Variants in FMNL2 observed in about 807,000 individuals in gnomAD.
The protein encoded by FMNL2 is formin-like protein 2.
Under a neutral mutation model 130.2 loss-of-function variants are expected in FMNL2, and 51 were observed. The observed-to-expected ratio is 0.39, with a 90% confidence interval of 0.31 to 0.49. FMNL2 has a LOEUF of 0.49. Ranked by LOEUF, FMNL2 falls within the 20% of genes least tolerant of loss-of-function variation. The probability of loss-of-function intolerance (pLI) is 0.85; values close to 1 mark genes in which losing one functional copy is unlikely to be tolerated. For synonymous variants in FMNL2, 465 were observed against 467.1 expected (o/e 1.00, Z 0.06); for missense variants, 977 against 1,316.2 (o/e 0.74, Z 3.99).
At chr2:152,446,534 A>C (rs539151847) in intron 1 of FMNL2, among the ~76,000 whole-genome samples, 1 of 152,352 alleles carries the variant, frequency 6.6e-6, no homozygotes, top group Admixed American at 6.5e-5. Context: ...TTAAAAAAAA[A>C]GCATGCTCTT....
chr2:152,641,894 C>T (rs921025056), intron 25 of FMNL2, among the ~76,000 whole-genome samples: 2 of 152,090 alleles, frequency 1.3e-5, no homozygotes, highest in Non-Finnish European at 2.9e-5. Flanking sequence ...TTCACATTTC[C>T]CCAACTGTCC....
intron 1 of FMNL2, among the ~76,000 whole-genome samples, chr2:152,506,636 G>T (rs1209093604): frequency 1.3e-5 from 2 of 152,126 alleles, no homozygotes; most frequent in Admixed American, 1.3e-4. Context: ...AGGTGTGATG[G>T]GGGTGGAGGT....
Position 152,469,125 on chromosome 2 carries a change from G to A in FMNL2, c.118-52818G>A, listed in dbSNP as rs1001144806. Among the ~76,000 whole-genome samples, 7 of 152,144 alleles carry A rather than the reference G, an allele frequency of 4.6e-5. No homozygotes were observed. In the South Asian group the frequency reaches 1.0e-3, roughly 23 times the overall value. Reference sequence around the variant, plus strand: ...TGGAATACACTGACGCTGTTGATTCGTTTTTCTTCCTTTTGGGTGGATTTT... The same window carrying A: ...TGGAATACACTGACGCTGTTGATTCATTTTTCTTCCTTTTGGGTGGATTTT... On this transcript the variant is annotated intron_variant, in intron 1 of 25. Coordinates refer to ENST00000288670, the MANE Select transcript of FMNL2 (RefSeq NM_052905.4).
At chr2:152,572,772 G>A (rs968145563) in intron 6 of FMNL2, among the ~76,000 whole-genome samples, 22 of 151,284 alleles carry the variant, frequency 1.5e-4, no homozygotes, top group African/African-American at 3.4e-4. Context: ...AACATCATGC[G>A]TTGGAGCTGA....
chr2:152,475,137 T>TTC (rs1337284002), intron 1 of FMNL2, among the ~76,000 whole-genome samples: 1 of 152,230 alleles, frequency 6.6e-6, no homozygotes, highest in Admixed American at 6.5e-5. Context: ...AAAACCATTA[T>TTC]TGGAAACTGG....
At chr2:152,575,743 C>G (rs1696440039) in intron 7 of FMNL2, among the ~76,000 whole-genome samples, 1 of 152,158 alleles carries the variant, frequency 6.6e-6, no homozygotes, top group African/African-American at 2.4e-5. Flanking sequence ...TGAAACAACT[C>G]TAGAACACCA....
At chr2:152,620,470 C>T (rs549620170) in intron 15 of FMNL2, among the ~76,000 whole-genome samples, 3 of 152,240 alleles carry the variant, frequency 2.0e-5, no homozygotes, top group African/African-American at 4.8e-5. Context: ...CGCTACGAGC[C>T]GTTTTCTCAG....
At chr2:152,616,835 G>A (rs1255585390) in intron 12 of FMNL2, among the ~76,000 whole-genome samples, 1 of 152,204 alleles carries the variant, frequency 6.6e-6, no homozygotes, top group East Asian at 1.9e-4. Context: ...GAAATGGAGG[G>A]AGGCACACTG....
At chr2:152,620,914 A>T in intron 15 of FMNL2, 1 of 984,758 alleles carries the variant, frequency 1.0e-6, no homozygotes, top group Non-Finnish European at 1.2e-6. Context: ...TAAATCGGTG[A>T]CTTATTTCTA....
At chr2:152,336,796 G>A (rs1681491397) in intron 1 of FMNL2, among the ~76,000 whole-genome samples, 1 of 152,196 alleles carries the variant, frequency 6.6e-6, no homozygotes. Context: ...TCTTTTCCTA[G>A]TTGGTTACCT....
In FMNL2 at chr2:152,560,876, G is replaced by C. The variant is rs1375549914; in HGVS notation, c.444-7G>C. The C allele has an allele frequency of 6.2e-7, 1 of 1,602,512 alleles. No homozygotes were observed. Among genetic ancestry groups the C allele is most frequent in the Admixed American group, 1.7e-5 (1 of 58,778 alleles). ...CAGTCTTCAATGGCATTTCTCTTTT[G>C]TTTTAGTTTTGACTTTGAAAGTGTG... On this transcript the variant is annotated splice_polypyrimidine_tract_variant and splice_region_variant and intron_variant, in intron 5 of 25. Transcript: ENST00000288670.
At position 152,547,036 on chromosome 2, in the gene FMNL2, C is replaced by T. The variant is rs777694057; in HGVS notation, c.283-1985C>T. On this transcript the variant is annotated intron_variant, in intron 3 of 25. Transcript: ENST00000288670. ...TTTCGGCTTGCTGCAACCGCTGCCTCCCAGGTGCAAACAGTTCTCGTGCCT... is the reference window on the plus strand; with the variant it reads ...TTTCGGCTTGCTGCAACCGCTGCCTTCCAGGTGCAAACAGTTCTCGTGCCT... Among the ~76,000 whole-genome samples the T allele has an allele frequency of 5.5e-4, 84 of 151,582 alleles. 1 individual carries two copies. The highest frequency in any genetic ancestry group is 3.4e-3 in the Middle Eastern group (1 of 294).
chr2:152,535,843 T>C (rs1488462212), intron 2 of FMNL2, among the ~76,000 whole-genome samples: 2 of 152,228 alleles, frequency 1.3e-5, no homozygotes, highest in Non-Finnish European at 2.9e-5. Context: ...TTAATACTTT[T>C]TCATTTTCTG....
chr2:152,506,056 A>G (rs1027182975), intron 1 of FMNL2, among the ~76,000 whole-genome samples: 1 of 152,248 alleles, frequency 6.6e-6, no homozygotes, highest in Non-Finnish European at 1.5e-5. Flanking sequence ...AAACTTACCT[A>G]GATTGAAGTT....
chr2:152,570,443 A>G (rs1464231411), intron 6 of FMNL2, among the ~76,000 whole-genome samples: 3 of 152,202 alleles, frequency 2.0e-5, no homozygotes, highest in Non-Finnish European at 4.4e-5. Context: ...GTATTTTTCT[A>G]CAAATGGCAG....
intron 4 of FMNL2, 61 bp from the exon 5 acceptor site, chr2:152,558,679 G>A (rs183237869): frequency 8.3e-5 from 122 of 1,474,604 alleles, no homozygotes; most frequent in Non-Finnish European, 1.0e-4. Flanking sequence ...CATTGTGTCC[G>A]TTCCATGGCA....
At chr2:152,516,953 G>A (rs6749146) in intron 1 of FMNL2, among the ~76,000 whole-genome samples, 33,320 of 151,484 alleles carry the variant, frequency 0.22, 4,007 homozygotes, top group Middle Eastern at 0.3. Flanking sequence ...AAAAGGTTCT[G>A]AGATGGAAAA....
intron 2 of FMNL2, among the ~76,000 whole-genome samples, chr2:152,527,132 T>G (rs1016974250): frequency 1.3e-5 from 2 of 152,204 alleles, no homozygotes; most frequent in Admixed American, 1.3e-4. Context: ...TTTCTGCACT[T>G]ACCTGTTTCC....
At chr2:152,341,109 T>C (rs547170606) in intron 1 of FMNL2, among the ~76,000 whole-genome samples, 4 of 152,160 alleles carry the variant, frequency 2.6e-5, no homozygotes, top group Non-Finnish European at 5.9e-5. Context: ...GGTGGGAGTG[T>C]AGTGAGGCCA....
Sources: gnomAD v4.1 joint callset for allele counts (sites outside exome capture counted in the v4.1 genomes callset) on GRCh38, gnomAD v4.1.1 for gene constraint, MANE v1.5 for transcripts, NCBI Gene and HGNC (gene_info 2026-07-23, HGNC 2026-07-21) for gene names.